The following HPSE2 variants were observed in gnomAD, a reference collection of about 807,000 sequenced individuals.
The protein encoded by HPSE2 is heparanase 2 (inactive), also known as inactive heparanase-2.
A neutral mutation model predicts 60.5 loss-of-function variants in HPSE2; 38 were observed. That is an observed-to-expected ratio of 0.63 (90% CI 0.48 to 0.82). The LOEUF is 0.82. Ranked by LOEUF, HPSE2 falls within the 40% of genes least tolerant of loss-of-function variation. The pLI is 0.00. For synonymous variants in HPSE2, 295 were observed against 293.2 expected, an observed-to-expected ratio of 1.01 and a Z score of -0.06; for missense variants, 713 against 740.4, an observed-to-expected ratio of 0.96 and a Z score of 0.43.
intron 3 of HPSE2, among the ~76,000 whole-genome samples, chr10:98,999,156 CGTGTGTGTGTGTGT>C (rs55879808): frequency 7.3e-6 from 1 of 137,572 alleles, no homozygotes; most frequent in Admixed American, 7.3e-5. Context: ...GTATAGACTA[CGTGTGTGTGTGTGT>C]GTGTGTGTGT....
chr10:98,614,513 C>T (rs963465374), intron 9 of HPSE2, among the ~76,000 whole-genome samples: 52 of 152,004 alleles, frequency 3.4e-4, no homozygotes, highest in African/African-American at 1.1e-3. Context: ...AGGATGGGCT[C>T]GATCTCCTGA....
intron 6 of HPSE2, among the ~76,000 whole-genome samples, chr10:98,677,614 G>T (rs541437622): frequency 6.6e-6 from 1 of 152,280 alleles, no homozygotes; most frequent in South Asian, 2.1e-4. Context: ...ACTGAGCTCT[G>T]AAGGATTTAT....
chr10:98,767,607 CAT>C (rs972213294), intron 3 of HPSE2, among the ~76,000 whole-genome samples: 8 of 143,138 alleles, frequency 5.6e-5, no homozygotes, highest in Non-Finnish European at 1.2e-4. Flanking sequence ...AATACTATAA[CAT>C]GTATAGTATA....
At chr10:99,145,545 A>G (rs984947264) in intron 2 of HPSE2, among the ~76,000 whole-genome samples, 8 of 152,292 alleles carry the variant, frequency 5.3e-5, no homozygotes, top group Middle Eastern at 3.4e-3. Context: ...TTACAAATTA[A>G]AATATAATTC....
chr10:98,708,236 C>G (rs1459521838), intron 5 of HPSE2, among the ~76,000 whole-genome samples: 1 of 152,048 alleles, frequency 6.6e-6, no homozygotes, highest in Non-Finnish European at 1.5e-5. Flanking sequence ...GTGGGCGGAT[C>G]ACGAGGTCAG....
At chr10:98,561,154 T>C (rs921594352) in intron 9 of HPSE2, among the ~76,000 whole-genome samples, 2 of 51,130 alleles carry the variant, frequency 3.9e-5, no homozygotes, top group African/African-American at 7.9e-5. Flanking sequence ...GTGATACTGG[T>C]TTTTTTTTTT....
Position 99,015,369 on chromosome 10 carries a change from G to A in HPSE2, c.610+128869C>T, listed in dbSNP as rs1368566127. 4.6e-5 allele frequency among the ~76,000 whole-genome samples: 7 copies of A among 152,084 alleles called. No homozygotes were observed. The South Asian group carries it at 6.2e-4, about 14-fold the overall frequency. Reference sequence around the variant, plus strand: ...TGCTGCTATAAAGACACATGCACACGTATGTTTATTGTGGCACTATTCACA... The same window carrying A: ...TGCTGCTATAAAGACACATGCACACATATGTTTATTGTGGCACTATTCACA... On this transcript the variant is annotated intron_variant, in intron 3 of 11. Coordinates refer to ENST00000370552, the MANE Select transcript of HPSE2 (RefSeq NM_021828.5).
At chr10:99,095,678 A>G (rs972394594) in intron 3 of HPSE2, among the ~76,000 whole-genome samples, 3 of 152,222 alleles carry the variant, frequency 2.0e-5, no homozygotes, top group Admixed American at 2.0e-4. Flanking sequence ...GTGGCATAGC[A>G]CAATGTTTTC....
At chr10:98,891,990 C>T (rs1953348455) in intron 3 of HPSE2, among the ~76,000 whole-genome samples, 1 of 151,770 alleles carries the variant, frequency 6.6e-6, no homozygotes, top group South Asian at 2.1e-4. Context: ...AGGCTGGACT[C>T]GAACTCCTGG....
chr10:98,808,585 T>C lies in HPSE2; in HGVS notation c.611-64529A>G, dbSNP rs529054250. Among the ~76,000 whole-genome samples, 79 of 152,266 alleles carry C rather than the reference T, an allele frequency of 5.2e-4. 1 individual carries two copies. Among genetic ancestry groups the C allele is most frequent in the Admixed American group, 9.8e-4 (15 of 15,284 alleles). Reference sequence around the variant, plus strand: ...GGAGAGTTTAAAGACATAAATTCTTTTTCTGAGCCAGAAAAAAAACAAAGT... The same window carrying C: ...GGAGAGTTTAAAGACATAAATTCTTCTTCTGAGCCAGAAAAAAAACAAAGT... On this transcript the variant is annotated intron_variant, in intron 3 of 11. Transcript: ENST00000370552.
intron 3 of HPSE2, among the ~76,000 whole-genome samples, chr10:99,005,420 A>C (rs1243072990): frequency 3.9e-5 from 6 of 152,038 alleles, no homozygotes; most frequent in Non-Finnish European, 8.8e-5. Flanking sequence ...CTTCTGCTTG[A>C]TCAATGCTGC....
chr10:99,072,927 C>CAAAAAAAAAAA (rs770699941), intron 3 of HPSE2, among the ~76,000 whole-genome samples: 3 of 88,036 alleles, frequency 3.4e-5, no homozygotes, highest in African/African-American at 1.3e-4. Context: ...GGCTCCGTCT[C>CAAAAAAAAAAA]AAAAAAAAAA....
intron 3 of HPSE2, among the ~76,000 whole-genome samples, chr10:99,131,798 A>T (rs956726179): frequency 2.0e-5 from 3 of 152,082 alleles, no homozygotes; most frequent in Admixed American, 2.0e-4. Flanking sequence ...TTGGGTGATG[A>T]GTGCACCAAA....
At chr10:99,035,811 G>A (rs899375240) in intron 3 of HPSE2, among the ~76,000 whole-genome samples, 2 of 152,172 alleles carry the variant, frequency 1.3e-5, no homozygotes, top group Admixed American at 1.3e-4. Context: ...TCATTATGCA[G>A]TGCATGACTG....
At chr10:99,081,622 A>AT (rs1554883897) in intron 3 of HPSE2, among the ~76,000 whole-genome samples, 49 of 149,882 alleles carry the variant, frequency 3.3e-4, no homozygotes, top group African/African-American at 9.5e-4. Context: ...GATGATGATG[A>AT]GATAATATAA....
At chr10:98,978,823 T>A (rs912421568) in intron 3 of HPSE2, among the ~76,000 whole-genome samples, 1 of 152,224 alleles carries the variant, frequency 6.6e-6, no homozygotes, top group Non-Finnish European at 1.5e-5. Flanking sequence ...CATATTTGTC[T>A]ACTTGATAAA....
At chr10:98,493,381 T>G (rs185353402) in intron 9 of HPSE2, among the ~76,000 whole-genome samples, 2 of 152,330 alleles carry the variant, frequency 1.3e-5, no homozygotes, top group East Asian at 3.9e-4. Context: ...TTATCATTAT[T>G]GAGAATGGGA....
At chr10:98,865,865 T>C (rs760686715) in intron 3 of HPSE2, among the ~76,000 whole-genome samples, 3 of 152,076 alleles carry the variant, frequency 2.0e-5, no homozygotes, top group Admixed American at 6.6e-5. Context: ...AGACTGAACA[T>C]TGCTCCAGCC....
At chr10:98,490,255 T>A in intron 9 of HPSE2, 59 bp from the exon 10 acceptor site, 1 of 1,462,516 alleles carries the variant, frequency 6.8e-7, no homozygotes, top group Non-Finnish European at 9.2e-7. Flanking sequence ...GTGTTCTGAG[T>A]AAACATGACA....
Sources: gnomAD v4.1 joint callset for allele counts (sites outside exome capture counted in the v4.1 genomes callset) on GRCh38, gnomAD v4.1.1 for gene constraint, MANE v1.5 for transcripts, NCBI Gene and HGNC (gene_info 2026-07-23, HGNC 2026-07-21) for gene names.